The following LARGE1 variants were observed in gnomAD, a reference collection of about 807,000 sequenced individuals.
LARGE1 encodes the protein LARGE xylosyl- and glucuronyltransferase 1, also known as xylosyl- and glucuronyltransferase LARGE1.
A neutral mutation model predicts 87.6 loss-of-function variants in LARGE1; 43 were observed. The ratio of observed to expected loss-of-function variants is 0.49; its 90% CI spans 0.38 to 0.63. LARGE1 has a LOEUF of 0.63. Among genes scored for constraint, LARGE1 ranks in the 30% least tolerant of loss-of-function variants. LARGE1 has a pLI of 0.00. For missense variants in LARGE1, 802 were observed against 1,000.2 expected (o/e 0.80, Z 2.67); for synonymous variants, 434 against 394.6 (o/e 1.10, Z -1.18).
At chr22:33,297,063 G>A (rs957735847) in intron 12 of LARGE1, among the ~76,000 whole-genome samples, 5 of 152,194 alleles carry the variant, frequency 3.3e-5, no homozygotes, top group Non-Finnish European at 7.3e-5. Context: ...CAATGAATGG[G>A]CCCAAGGAAA....
chr22:33,072,379 T>C, the LARGE1 span, among the ~76,000 whole-genome samples: 3 of 152,136 alleles, frequency 2.0e-5, no homozygotes, highest in African/African-American at 7.2e-5. Context: ...CTGGATAGGA[T>C]TTTCCAGGGA....
chr22:33,489,973 C>T (rs1438516334), intron 6 of LARGE1, among the ~76,000 whole-genome samples: 2 of 152,172 alleles, frequency 1.3e-5, no homozygotes, highest in Non-Finnish European at 2.9e-5. Flanking sequence ...ACTTCACATG[C>T]ACATCTTACT....
intron 7 of LARGE1, among the ~76,000 whole-genome samples, chr22:33,396,463 CAGAGAGAGAGAG>C (rs3071529): frequency 3.0e-4 from 31 of 104,726 alleles, no homozygotes; most frequent in Middle Eastern, 5.0e-3. Context: ...GAGAGAGTGA[CAGAGAGAGAGAG>C]AGAGAGAGAG....
At chr22:33,069,353 C>T in the LARGE1 span, among the ~76,000 whole-genome samples, 14 of 152,212 alleles carry the variant, frequency 9.2e-5, no homozygotes, top group East Asian at 1.4e-3. Context: ...GTCTGTGTCA[C>T]GTTTTCTCAA....
intron 6 of LARGE1, among the ~76,000 whole-genome samples, chr22:33,531,445 A>G (rs1246236100): frequency 3.3e-5 from 5 of 152,190 alleles, no homozygotes; most frequent in African/African-American, 1.2e-4. Context: ...GGCATGAGCC[A>G]CCGTGCCTGG....
At chr22:33,354,500 T>C (rs1486349990) in intron 9 of LARGE1, among the ~76,000 whole-genome samples, 1 of 152,228 alleles carries the variant, frequency 6.6e-6, no homozygotes, top group African/African-American at 2.4e-5. Flanking sequence ...TAGTGTGTTG[T>C]TTCACTGAAA....
At chr22:33,454,919 A>G (rs1008579383) in intron 6 of LARGE1, among the ~76,000 whole-genome samples, 1 of 152,126 alleles carries the variant, frequency 6.6e-6, no homozygotes, top group Non-Finnish European at 1.5e-5. Context: ...ATCACCTCCT[A>G]CCAGGCCCTA....
chr22:33,512,855 AT>A (rs775372539), intron 6 of LARGE1, among the ~76,000 whole-genome samples: 22 of 152,172 alleles, frequency 1.4e-4, no homozygotes, highest in Non-Finnish European at 1.9e-4. Context: ...GAGATGTATG[AT>A]TCTTCTCTTT....
chr22:33,450,126 G>A (rs916616374), intron 6 of LARGE1, among the ~76,000 whole-genome samples: 47 of 151,990 alleles, frequency 3.1e-4, no homozygotes, highest in African/African-American at 1.0e-3. Context: ...TGGCCAGGCT[G>A]GTCTCGAACT....
chr22:33,852,975 G>C (rs1312435109), intron 1 of LARGE1, among the ~76,000 whole-genome samples: 1 of 151,880 alleles, frequency 6.6e-6, no homozygotes, highest in African/African-American at 2.4e-5. Flanking sequence ...GAGGGTCACA[G>C]TGATCAATGA....
chr22:33,558,205 C>G (rs1196613598), intron 6 of LARGE1, among the ~76,000 whole-genome samples: 1 of 152,138 alleles, frequency 6.6e-6, no homozygotes, highest in Non-Finnish European at 1.5e-5. Flanking sequence ...AGAAGGGAAG[C>G]CTTTAATCAG....
intron 14 of LARGE1, among the ~76,000 whole-genome samples, chr22:33,275,104 C>T (rs757454391): frequency 6.6e-6 from 1 of 152,080 alleles, no homozygotes; most frequent in Non-Finnish European, 1.5e-5. Flanking sequence ...AAAGAGGGTA[C>T]AAAACAGGAA....
intron 7 of LARGE1, among the ~76,000 whole-genome samples, chr22:33,426,885 T>C (rs1466256474): frequency 1.3e-5 from 2 of 152,216 alleles, no homozygotes; most frequent in East Asian, 3.8e-4. Context: ...CCCTTCAACT[T>C]GGGGAGGACG....
Position 33,862,710 on chromosome 22 carries a change from C to T in LARGE1, c.-83+57285G>A, listed in dbSNP as rs150078658. 1.6e-3 allele frequency among the ~76,000 whole-genome samples: 242 copies of T among 152,258 alleles called. 2 individuals are homozygous for T. The highest frequency in any genetic ancestry group is 5.2e-3 in the African/African-American group (218 of 41,528). On this transcript the variant is annotated intron_variant, in intron 1 of 14. Coordinates refer to ENST00000397394, the MANE Select transcript of LARGE1 (RefSeq NM_133642.5). ...CACGTGTCCTCGGGGGCCACCATGA[C>T]GTTCGTTTGTGGGCTTGGTGTTATA... is the stretch of plus-strand genomic sequence containing the variant.
At chr22:33,583,982 G>T (rs1188328354) in intron 5 of LARGE1, among the ~76,000 whole-genome samples, 1 of 152,092 alleles carries the variant, frequency 6.6e-6, no homozygotes, top group African/African-American at 2.4e-5. Flanking sequence ...CCCCGCTGTG[G>T]GCATCCTGAC....
In LARGE1 at chr22:33,497,986, G is replaced by A. The variant is rs566382661; in HGVS notation, c.788-65721C>T. Among the ~76,000 whole-genome samples the A allele has an allele frequency of 2.0e-5, 3 of 152,240 alleles. No individual in the cohort carries two copies. In the South Asian group the frequency reaches 6.2e-4, roughly 32 times the overall value. ...CAACCTCCGCCTCCTACGTTCAAGC[G>A]ATTCTCGTGCCTCAGCCTCCCGAGT... On this transcript the variant is annotated intron_variant, in intron 6 of 14. Transcript: ENST00000397394.
chr22:33,810,780 A>G (rs2146170215), intron 1 of LARGE1, among the ~76,000 whole-genome samples: 1 of 151,726 alleles, frequency 6.6e-6, no homozygotes, highest in East Asian at 2.0e-4. Flanking sequence ...CTGGACTGCA[A>G]TGGTGCGATC....
the LARGE1 span, among the ~76,000 whole-genome samples, chr22:33,116,871 G>C: frequency 6.6e-6 from 1 of 152,160 alleles, no homozygotes; most frequent in Admixed American, 6.5e-5. Flanking sequence ...CAAGTAGCAC[G>C]GGATTTAAAA....
chr22:33,656,834 T>C (rs750217698), intron 2 of LARGE1: 4 of 152,242 alleles, frequency 2.6e-5, no homozygotes, highest in Non-Finnish European at 5.9e-5. Context: ...TATCATCGAC[T>C]CTGAATCTCT....
Sources: allele counts gnomAD v4.1 joint callset (sites outside exome capture counted in the v4.1 genomes callset), GRCh38; gene constraint gnomAD v4.1.1; transcripts MANE v1.5; gene names NCBI Gene and HGNC (gene_info 2026-07-23, HGNC 2026-07-21).